The following CNTN5 variants were observed in gnomAD, a reference collection of about 807,000 sequenced individuals.
The protein encoded by CNTN5 is contactin 5.
CNTN5 carries 77 observed loss-of-function variants against 129.1 expected under a neutral mutation model. The observed-to-expected ratio is 0.60, with a 90% confidence interval of 0.50 to 0.72. The LOEUF (loss-of-function observed/expected upper bound fraction) is 0.72, where lower values mean the gene tolerates loss of function less well. Among genes scored for constraint, CNTN5 ranks in the 30% least tolerant of loss-of-function variants. CNTN5 has a pLI of 0.00. For missense variants in CNTN5, 1,478 were observed against 1,328.8 expected, an observed-to-expected ratio of 1.11 and a Z score of -1.75; for synonymous variants, 509 against 465.6, an observed-to-expected ratio of 1.09 and a Z score of -1.20.
intron 3 of CNTN5, among the ~76,000 whole-genome samples, chr11:99,790,296 A>C (rs1291367255): frequency 1.3e-5 from 2 of 152,012 alleles, no homozygotes; most frequent in Admixed American, 1.3e-4. Context: ...TAAGCATAGT[A>C]ATAGGTAATT....
At chr11:99,848,715 C>T (rs765098733) in intron 6 of CNTN5, among the ~76,000 whole-genome samples, 13 of 151,854 alleles carry the variant, frequency 8.6e-5, no homozygotes, top group East Asian at 1.9e-4. Flanking sequence ...TTATTTTTAC[C>T]TTTTACACTT....
At chr11:99,540,957 C>T (rs939485251) in intron 2 of CNTN5, among the ~76,000 whole-genome samples, 7 of 152,052 alleles carry the variant, frequency 4.6e-5, no homozygotes, top group Admixed American at 3.9e-4. Flanking sequence ...GCCAGTAATA[C>T]TACGTTAAAA....
chr11:99,986,686 T>C (rs990303965), intron 8 of CNTN5, among the ~76,000 whole-genome samples: 1 of 152,182 alleles, frequency 6.6e-6, no homozygotes, highest in Non-Finnish European at 1.5e-5. Context: ...CTGCTCTCCT[T>C]GATAGCAAGA....
chr11:100,003,591 AC>A (rs112978156), intron 9 of CNTN5, among the ~76,000 whole-genome samples: 2 of 152,174 alleles, frequency 1.3e-5, no homozygotes, highest in African/African-American at 4.8e-5. Flanking sequence ...ATAGGAAAAA[AC>A]CAATATAAAT....
At chr11:99,201,066 C>T (rs1224209184) in intron 1 of CNTN5, among the ~76,000 whole-genome samples, 1 of 139,502 alleles carries the variant, frequency 7.2e-6, no homozygotes, top group Admixed American at 7.6e-5. Context: ...GACCTGTCGC[C>T]CAGGCTGGAG....
Position 100,307,516 on chromosome 11 carries a change from CAA to C in CNTN5, c.2621-832_2621-831del, listed in dbSNP as rs34148781. 7.0e-3 allele frequency among the ~76,000 whole-genome samples: 1,028 copies of C among 146,478 alleles called. 23 individuals are homozygous for C. Among genetic ancestry groups the C allele is most frequent in the African/African-American group, 7.8e-3 (317 of 40,524 alleles). ...GATGCCAGTCAGAAATTGTGTATTT[CAA>C]AAAAAAAAAATAGTGTGAAAGGTCA... On this transcript the variant is annotated intron_variant, in intron 20 of 24. Transcript: ENST00000524871.
chr11:100,049,566 T>A (rs1844940468), intron 9 of CNTN5, among the ~76,000 whole-genome samples: 4 of 152,018 alleles, frequency 2.6e-5, no homozygotes, highest in Admixed American at 2.0e-4. Context: ...AGAAAAACAT[T>A]GTCAGACTAG....
At chr11:99,468,885 T>C (rs968328572) in intron 2 of CNTN5, among the ~76,000 whole-genome samples, 5 of 152,134 alleles carry the variant, frequency 3.3e-5, no homozygotes, top group South Asian at 2.1e-4. Flanking sequence ...TTTCTACTAG[T>C]TTTAGGAATA....
chr11:99,168,751 T>C (rs1861008783), intron 1 of CNTN5, among the ~76,000 whole-genome samples: 1 of 151,928 alleles, frequency 6.6e-6, no homozygotes, highest in Admixed American at 6.6e-5. Flanking sequence ...TAAGGCAAAA[T>C]TGAATAAAAT....
chr11:99,824,168 A>T (rs1348156), intron 4 of CNTN5, among the ~76,000 whole-genome samples: 24,267 of 151,916 alleles, frequency 0.16, 2,042 homozygotes, highest in Non-Finnish European at 0.18. Context: ...TAGGAGTGCA[A>T]TTTTTATATA....
chr11:99,598,534 C>T (rs1235198536), intron 3 of CNTN5, among the ~76,000 whole-genome samples: 1 of 150,496 alleles, frequency 6.6e-6, no homozygotes, highest in Non-Finnish European at 1.5e-5. Context: ...TGGCAGAAGC[C>T]TTTTGCCTCC....
At chr11:100,115,171 C>T (rs1565254922) in intron 13 of CNTN5, among the ~76,000 whole-genome samples, 1 of 145,520 alleles carries the variant, frequency 6.9e-6, no homozygotes, top group Non-Finnish European at 1.5e-5. Flanking sequence ...ATTAATGTGG[C>T]ATAAACCTGG....
chr11:99,425,503 G>C (rs1226363790), intron 2 of CNTN5, among the ~76,000 whole-genome samples: 2 of 152,218 alleles, frequency 1.3e-5, no homozygotes, highest in Non-Finnish European at 2.9e-5. Context: ...AGTTTGTAGA[G>C]GGACAAGGTG....
intron 3 of CNTN5, among the ~76,000 whole-genome samples, chr11:99,583,817 G>A (rs187312203): frequency 1.1e-3 from 169 of 152,204 alleles, no homozygotes; most frequent in Non-Finnish European, 2.1e-3. Context: ...TGCATGGTGT[G>A]CTGCACCCAC....
At chr11:100,104,955 A>T (rs1945368624) in intron 13 of CNTN5, among the ~76,000 whole-genome samples, 1 of 152,192 alleles carries the variant, frequency 6.6e-6, no homozygotes, top group Non-Finnish European at 1.5e-5. Context: ...AGCATGAGAG[A>T]GGCTGCTTTT....
intron 1 of CNTN5, among the ~76,000 whole-genome samples, chr11:99,053,351 C>A (rs1350789817): frequency 6.6e-6 from 1 of 151,894 alleles, no homozygotes; most frequent in African/African-American, 2.4e-5. Context: ...ACAGTCATGC[C>A]AAATGTACAT....
chr11:100,033,522 C>T (rs1453569), intron 9 of CNTN5, among the ~76,000 whole-genome samples: 3 of 152,122 alleles, frequency 2.0e-5, no homozygotes, highest in Non-Finnish European at 4.4e-5. Flanking sequence ...TTCACTAGGA[C>T]CCCTGTCTTC....
intron 2 of CNTN5, among the ~76,000 whole-genome samples, chr11:99,441,990 C>A (rs1468505561): frequency 6.6e-6 from 1 of 152,100 alleles, no homozygotes. Context: ...CCTGTGTTAT[C>A]TCTCCATTAA....
intron 6 of CNTN5, among the ~76,000 whole-genome samples, chr11:99,905,619 A>C (rs1419726113): frequency 6.6e-6 from 1 of 151,972 alleles, no homozygotes; most frequent in Admixed American, 6.6e-5. Flanking sequence ...TCTTTGCTGT[A>C]CGGGCTCTTT....
Sources: allele counts gnomAD v4.1 joint callset (sites outside exome capture counted in the v4.1 genomes callset), GRCh38; gene constraint gnomAD v4.1.1; transcripts MANE v1.5; gene names NCBI Gene and HGNC (gene_info 2026-07-23, HGNC 2026-07-21).